The following TMEM221 variants were observed in gnomAD, a reference collection of about 807,000 sequenced individuals.
TMEM221 encodes the protein Putative transmembrane protein ENSP00000342162.
A neutral mutation model predicts 10.2 loss-of-function variants in TMEM221; 11 were observed. The observed-to-expected ratio is 1.08, with a 90% CI of 0.68 to 1.79. The LOEUF is 1.79. TMEM221 is among the 40% of genes most tolerant of loss of function. The probability of loss-of-function intolerance (pLI) is 0.00; values close to 1 mark genes in which losing one functional copy is unlikely to be tolerated. For missense variants in TMEM221, 382 were observed against 417.7 expected, an observed-to-expected ratio of 0.91 and a Z score of 0.75; for synonymous variants, 172 against 199.8, an observed-to-expected ratio of 0.86 and a Z score of 1.18.
chr19:17,439,184 G>T (rs1046785123), intron 2 of TMEM221, among the ~76,000 whole-genome samples: 2 of 145,904 alleles, frequency 1.4e-5, no homozygotes, highest in African/African-American at 5.1e-5. Context: ...TCCAGCCTGG[G>T]TGACAGAGCG....
rs67270566 is a variant in TMEM221 at position 17,444,071 on chromosome 19, C to CTTTT, written c.406+1124_406+1127dup. 1.3e-3 allele frequency among the ~76,000 whole-genome samples: 72 copies of CTTTT among 56,298 alleles called. 3 individuals carry two copies. Among genetic ancestry groups the CTTTT allele is most frequent in the African/African-American group, 5.2e-3 (70 of 13,584 alleles). The allele number at this position is 56,298 out of a possible 152,430, so 36.9% of individuals were successfully genotyped here. ...CTCATTCCAACCTGTAAAATGCTAT[C>CTTTT]TTTTTTTTTTTTTTTTTTTTTTTTT... is the stretch of plus-strand genomic sequence containing the variant. On this transcript the variant is annotated intron_variant, in intron 2 of 2. Transcript: ENST00000341130.
chr19:17,448,576 G>T lies in TMEM221; in HGVS notation c.-114C>A. On this transcript the variant is annotated 5_prime_UTR_variant, in exon 1 of 3. Transcript: ENST00000341130. The surrounding 1 kb of genome is among the most constrained non-coding windows in gnomAD (Gnocchi z 4.7). Reference sequence around the variant, plus strand: ...AGGGGGTCCCCGAGGGGGCGGGGCCGCAGGGAGTGTCTGAAAGTTCGGGGA... The same window carrying T: ...AGGGGGTCCCCGAGGGGGCGGGGCCTCAGGGAGTGTCTGAAAGTTCGGGGA... 6.5e-6 allele frequency: 5 copies of T among 772,510 alleles called. No individual in the cohort carries two copies. The highest frequency in any genetic ancestry group is 8.9e-6 in the Non-Finnish European group (5 of 561,726). The allele number at this position is 772,510 out of a possible 1,614,324, so 47.9% of individuals were successfully genotyped here. A position where few individuals can be genotyped will look rare whatever the true frequency, so the allele number is the denominator to read the frequency against.
chr19:17,436,186 C>T lies in TMEM221; in HGVS notation c.*272G>A. 1 of 435,174 alleles carries T rather than the reference C, an allele frequency of 2.3e-6. No individual in the cohort carries two copies. The highest frequency in any genetic ancestry group is 4.1e-6 in the Non-Finnish European group (1 of 243,418). 27.0% of individuals were successfully genotyped at this position (435,174 alleles called of 1,614,324 possible). A position where few individuals can be genotyped will look rare whatever the true frequency, so the allele number is the denominator to read the frequency against. The stretch of plus-strand genomic sequence containing the variant: ...TATGGCCATTTCGCTCTGTTCTGGC[C>T]AGTGGGATATAAAAAGAAGGGTTTC... On this transcript the variant is annotated 3_prime_UTR_variant, in exon 3 of 3. Coordinates refer to ENST00000341130, the MANE Select transcript of TMEM221 (RefSeq NM_001190844.2).
rs1025891016 is a variant in TMEM221, at chr19:17,448,120, G to C, written c.320+23C>G. ...ACCCAGCCCCCAGCCGGGCCTCCGA[G>C]GCGGTGAGGCCAGTCCTCCTACCTC... On this transcript the variant is annotated intron_variant, in intron 1 of 2. Transcript: ENST00000341130. The surrounding 1 kb of genome is among the most constrained non-coding windows in gnomAD (Gnocchi z 4.7). 7.5e-7 allele frequency: 1 copy of C among 1,337,134 alleles called. No homozygotes were observed. The highest frequency in any genetic ancestry group is 9.6e-7 in the Non-Finnish European group (1 of 1,046,242). The allele number at this position is 1,337,134 out of a possible 1,614,324, so 82.8% of individuals were successfully genotyped here.
In TMEM221 at chr19:17,436,817, G is replaced by A; in HGVS notation, c.517C>T (p.Leu173Phe). Residue 173 changes from leucine to phenylalanine, a missense_variant, in exon 3 of 3, where the codon CTC becomes TTC. Transcript: ENST00000341130. Reference sequence around the variant, plus strand: ...CGGCGGGCAGCCCGGGCAGCCCGGAGGAGAGTGTGGGTCAGCACAGCCACC... The same window carrying A: ...CGGCGGGCAGCCCGGGCAGCCCGGAAGAGAGTGTGGGTCAGCACAGCCACC... ...VLVAVLTHTL[L>F]RAARAARRGL... is the part of the protein sequence containing the mutation. The A allele has an allele frequency of 6.7e-7, 1 of 1,503,498 alleles. No individual in the cohort carries two copies. Among genetic ancestry groups the A allele is most frequent in the South Asian group, 1.3e-5 (1 of 79,220 alleles). 93.1% of individuals were successfully genotyped at this position (1,503,498 alleles called of 1,614,324 possible). A position where few individuals can be genotyped will look rare whatever the true frequency, so the allele number is the denominator to read the frequency against.
intron 1 of TMEM221, among the ~76,000 whole-genome samples, chr19:17,447,756 T>TGGCTCTACCC (rs1202563141): frequency 6.6e-6 from 1 of 152,172 alleles, no homozygotes; most frequent in Non-Finnish European, 1.5e-5. Context: ...AGGCTCTGGC[T>TGGCTCTACCC]GGCTCTACCC....
rs376944621 is a variant in TMEM221 at position 17,445,121 on chromosome 19, T to C, written c.406+78A>G. 3.0e-6 allele frequency: 4 copies of C among 1,315,814 alleles called. 1 individual carries two copies. The highest frequency in any genetic ancestry group is 4.2e-6 in the Non-Finnish European group (4 of 949,248). 81.5% of individuals were successfully genotyped at this position (1,315,814 alleles called of 1,614,324 possible). On this transcript the variant is annotated intron_variant, in intron 2 of 2. Transcript: ENST00000341130. Reference sequence around the variant, plus strand: ...GAACTCAAGGAGGCTGTCTGCAGAGTTGATCCCAGTTAGGGGACCATTGCT... The same window carrying C: ...GAACTCAAGGAGGCTGTCTGCAGAGCTGATCCCAGTTAGGGGACCATTGCT...
Position 17,436,427 on chromosome 19 carries a change from T to G in TMEM221, c.*31A>C. 4 of 1,455,142 alleles carry G rather than the reference T, an allele frequency of 2.7e-6. No homozygotes were observed. The highest frequency in any genetic ancestry group is 3.6e-6 in the Non-Finnish European group (4 of 1,101,022). The allele number at this position is 1,455,142 out of a possible 1,614,324, so 90.1% of individuals were successfully genotyped here. A position where few individuals can be genotyped will look rare whatever the true frequency, so the allele number is the denominator to read the frequency against. On this transcript the variant is annotated 3_prime_UTR_variant, in exon 3 of 3. Transcript: ENST00000341130. The stretch of plus-strand genomic sequence containing the variant: ...ACCTATCTCTATGGTATCCTTTTCT[T>G]ACACCAGGTCTCTATTCCTCATCCC...
Position 17,436,695 on chromosome 19 carries a change from A to G in TMEM221, c.639T>C (p.Gly213=). The change falls in exon 3 of 3, where the codon GGT becomes GGC. Residue 213 remains glycine (G), a synonymous_variant. Coordinates refer to ENST00000341130, the MANE Select transcript of TMEM221 (RefSeq NM_001190844.2). ...KASPRAQPQQ[G]IHRRTPYSTC... Reference sequence around the variant, plus strand: ...TTGAATAGGGGGTCCGACGATGGATACCCTGCTGAGGCTGAGCTCTGGGGC... The same window carrying G: ...TTGAATAGGGGGTCCGACGATGGATGCCCTGCTGAGGCTGAGCTCTGGGGC... 6.5e-7 allele frequency: 1 copy of G among 1,534,286 alleles called. No individual in the cohort carries two copies. The highest frequency in any genetic ancestry group is 8.7e-7 in the Non-Finnish European group (1 of 1,145,730).
intron 2 of TMEM221, among the ~76,000 whole-genome samples, chr19:17,442,581 A>C (rs1225892848): frequency 6.6e-6 from 1 of 151,896 alleles, no homozygotes; most frequent in East Asian, 1.9e-4. Flanking sequence ...CTGGGATTAC[A>C]GGGGTATGCC....
chr19:17,447,995 G>A, intron 1 of TMEM221, 148 bp downstream of exon 1: 1 of 556,864 alleles, frequency 1.8e-6, no homozygotes, highest in Non-Finnish European at 2.7e-6. Flanking sequence ...GAGGAAAGGA[G>A]GGAGGCAGAG....
At chr19:17,437,955 G>C (rs1400707773) in intron 2 of TMEM221, among the ~76,000 whole-genome samples, 2 of 148,494 alleles carry the variant, frequency 1.3e-5, no homozygotes, top group African/African-American at 2.5e-5. Context: ...GTCTTGCTCT[G>C]TCACCCAGGT....
chr19:17,448,505 A>G lies in TMEM221; in HGVS notation c.-43T>C. The G allele has an allele frequency of 7.3e-7, 1 of 1,375,970 alleles. No individual in the cohort carries two copies. The highest frequency in any genetic ancestry group is 9.4e-7 in the Non-Finnish European group (1 of 1,059,356). 85.2% of individuals were successfully genotyped at this position (1,375,970 alleles called of 1,614,324 possible). ...GCCGGGGGAAGAGTTGAGGAATTGA[A>G]GTGGTTTTAGAGGGCAGGGGAGTTG... On this transcript the variant is annotated 5_prime_UTR_variant, in exon 1 of 3. Transcript: ENST00000341130. The surrounding 1 kb of genome is among the most constrained non-coding windows in gnomAD (Gnocchi z 4.7).
rs1204721841 is a variant in TMEM221 at position 17,442,981 on chromosome 19, T to TGGCGTGGTGGCTCAGGGCCG, written c.406+2198_406+2217dup. 3.3e-5 allele frequency among the ~76,000 whole-genome samples: 5 copies of TGGCGTGGTGGCTCAGGGCCG among 151,756 alleles called. No homozygotes were observed. In the South Asian group the frequency reaches 1.0e-3, roughly 32 times the overall value. ...TCTCATTAAAAATATTTTGAGGGCC[T>TGGCGTGGTGGCTCAGGGCCG]GGCGTGGTGGCTCAGGGCCGGGCGT... On this transcript the variant is annotated intron_variant, in intron 2 of 2. Transcript: ENST00000341130.
At chr19:17,441,762 C>T (rs1462091100) in intron 2 of TMEM221, among the ~76,000 whole-genome samples, 1 of 151,556 alleles carries the variant, frequency 6.6e-6, no homozygotes, top group African/African-American at 2.4e-5. Flanking sequence ...CGTTCTCTGG[C>T]TCTGTACTAT....
Position 17,435,763 on chromosome 19 carries a change from G to A in TMEM221, c.*695C>T, listed in dbSNP as rs2074905314. The A allele has an allele frequency of 6.6e-6, 1 of 152,412 alleles. No homozygotes were observed. Among genetic ancestry groups the A allele is most frequent in the Non-Finnish European group, 1.5e-5 (1 of 68,218 alleles). The allele number at this position is 152,412 out of a possible 1,614,324, so 9.4% of individuals were successfully genotyped here. On this transcript the variant is annotated 3_prime_UTR_variant, in exon 3 of 3. Coordinates refer to ENST00000341130, the MANE Select transcript of TMEM221 (RefSeq NM_001190844.2). The stretch of plus-strand genomic sequence containing the variant: ...CCATATTACAGATGAGGAAACTGAG[G>A]CACAAAGCAGCTAAGCCCTCAGCCA...
rs753657245 is a variant in TMEM221, at chr19:17,436,745, G to A, written c.589C>T (p.Arg197Cys). The change falls in exon 3 of 3, where the codon CGC becomes TGC. Residue 197 changes from arginine to cysteine, a missense_variant. By Grantham distance (180) the Arg-to-Cys change is radical. Coordinates refer to ENST00000341130, the MANE Select transcript of TMEM221 (RefSeq NM_001190844.2). ...CTGGCCTTGGAGACTTCGGCAGGGC[G>A]GGCGAGGTCGTCTTCAAAGGATGGC... is the stretch of plus-strand genomic sequence containing the variant. ...SPPSFEDDLARPAEVSKASPR... is the reference protein window; with the variant it reads ...SPPSFEDDLACPAEVSKASPR... 30 of 1,524,264 alleles carry A rather than the reference G, an allele frequency of 2.0e-5. No individual in the cohort carries two copies. The highest frequency in any genetic ancestry group is 6.0e-5 in the Admixed American group (3 of 49,812). The allele number at this position is 1,524,264 out of a possible 1,614,324, so 94.4% of individuals were successfully genotyped here. A position where few individuals can be genotyped will look rare whatever the true frequency, so the allele number is the denominator to read the frequency against.
chr19:17,444,590 G>T (rs2074944951), intron 2 of TMEM221, among the ~76,000 whole-genome samples: 4 of 143,944 alleles, frequency 2.8e-5, no homozygotes, highest in African/African-American at 7.7e-5. Context: ...GTGCAGTGGG[G>T]TGATCATGGC....
intron 2 of TMEM221, among the ~76,000 whole-genome samples, chr19:17,441,717 C>A (rs990370158): frequency 3.4e-5 from 5 of 146,720 alleles, no homozygotes; most frequent in Non-Finnish European, 7.5e-5. Context: ...ACATGGGGGA[C>A]TTTTTTTTTT....
Sources: gnomAD v4.1 joint callset for allele counts (sites outside exome capture counted in the v4.1 genomes callset) on GRCh38, gnomAD v4.1.1 for gene constraint, Gnocchi (gnomAD v3.1) non-coding constraint, MANE v1.5 for transcripts, NCBI Gene and HGNC (gene_info 2026-07-23, HGNC 2026-07-21) for gene names.